Variants in ARHGAP1 observed in about 807,000 individuals in gnomAD.
ARHGAP1 encodes the protein rho GTPase-activating protein 1.
ARHGAP1 carries 23 observed loss-of-function variants against 52.2 expected under a neutral mutation model. The ratio of observed to expected loss-of-function variants is 0.44; its 90% CI spans 0.32 to 0.62. The LOEUF is 0.62. ARHGAP1 is among the 20% of genes least tolerant of loss of function. ARHGAP1 has a pLI of 0.05. For missense variants in ARHGAP1, 480 were observed against 560.9 expected (o/e 0.86, Z 1.46); for synonymous variants, 210 against 228.4 (o/e 0.92, Z 0.73).
chr11:46,682,849 T>A (rs2064539453), intron 4 of ARHGAP1, among the ~76,000 whole-genome samples: 1 of 152,078 alleles, frequency 6.6e-6, no homozygotes, highest in Non-Finnish European at 1.5e-5. Context: ...CAGTCACCAT[T>A]TCTCAATATT....
In ARHGAP1 at chr11:46,679,127, G is replaced by A. The variant is rs559601353; in HGVS notation, c.1230C>T (p.Leu410=). Residue 410 remains leucine, a synonymous_variant, in exon 13 of 13, where the codon CTC becomes CTT. Transcript: ENST00000311956. The surrounding 1 kb of genome is among the most constrained non-coding windows in gnomAD (Gnocchi z 4.4). The stretch of plus-strand genomic sequence containing the variant: ...AGGTGTTGATGGGATTAATGGCCTT[G>A]AGGGTGATGGCCGCATCCTTGGCCC... ...LLWAKDAAIT[L]KAINPINTFT... The A allele has an allele frequency of 1.9e-6, 3 of 1,614,164 alleles. No homozygotes were observed. Among genetic ancestry groups the A allele is most frequent in the African/African-American group, 1.3e-5 (1 of 75,062 alleles).
Position 46,681,396 on chromosome 11 carries a change from G to T in ARHGAP1, c.450-17C>A. 1 of 1,579,038 alleles carries T rather than the reference G, an allele frequency of 6.3e-7. No individual in the cohort carries two copies. Among genetic ancestry groups the T allele is most frequent in the Non-Finnish European group, 8.7e-7 (1 of 1,148,164 alleles). Reference sequence around the variant, plus strand: ...TTCTTGTACCTGCAGAGACAGAATGGACAACTCAGGAGCAGGCGTGGTGGG... The same window carrying T: ...TTCTTGTACCTGCAGAGACAGAATGTACAACTCAGGAGCAGGCGTGGTGGG... On this transcript the variant is annotated splice_polypyrimidine_tract_variant and intron_variant, in intron 5 of 12. Transcript: ENST00000311956. The surrounding 1 kb of genome is among the most constrained non-coding windows in gnomAD (Gnocchi z 5.7).
At chr11:46,682,416 G>T (rs1049994997) in intron 4 of ARHGAP1, among the ~76,000 whole-genome samples, 4 of 152,234 alleles carry the variant, frequency 2.6e-5, no homozygotes, top group Admixed American at 2.6e-4. Flanking sequence ...GGGCGCAGTG[G>T]CTCATGCCTG....
At chr11:46,692,421 C>G (rs545052562) in intron 3 of ARHGAP1, among the ~76,000 whole-genome samples, 1 of 152,252 alleles carries the variant, frequency 6.6e-6, no homozygotes, top group Non-Finnish European at 1.5e-5. Flanking sequence ...CACCTCACAT[C>G]TGCACCAGCA....
chr11:46,696,151 A>G lies in ARHGAP1; in HGVS notation c.-44T>C. 6.4e-7 allele frequency: 1 copy of G among 1,551,636 alleles called. No homozygotes were observed. On this transcript the variant is annotated 5_prime_UTR_variant, in exon 2 of 13. Transcript: ENST00000311956. This position sits in a 1 kb window ranked among gnomAD's most constrained non-coding sequence, Gnocchi z 4.8. ...CAGCCTTGCCCTGCAGAACCTTAAG[A>G]GAAACCTGGGAGAGAGGAAGACAGG...
chr11:46,695,398 G>A (rs1565690504), intron 3 of ARHGAP1: 5 of 526,014 alleles, frequency 9.5e-6, no homozygotes, highest in Non-Finnish European at 1.4e-5. Flanking sequence ...AAGGCCAACT[G>A]TGTTCTGGCT....
chr11:46,687,234 G>A (rs1237801506), intron 4 of ARHGAP1: 2 of 152,310 alleles, frequency 1.3e-5, no homozygotes, highest in African/African-American at 4.8e-5. Context: ...CTTGTCTGAA[G>A]AGCAGTGGGA....
At chr11:46,698,558 AGAT>A (rs924925622) in intron 1 of ARHGAP1, among the ~76,000 whole-genome samples, 3 of 150,864 alleles carry the variant, frequency 2.0e-5, no homozygotes, top group Non-Finnish European at 4.4e-5. Flanking sequence ...CAGTGAGCTG[AGAT>A]CAAGCTACTT....
In ARHGAP1 at chr11:46,677,266, T is replaced by C. The variant is rs2064484311; in HGVS notation, c.*1771A>G. ...TAGATCCGAAAGGCTCCCCAGTGAATGGGGCTGTGAGCGACACTTGATACA... is the reference window on the plus strand; with the variant it reads ...TAGATCCGAAAGGCTCCCCAGTGAACGGGGCTGTGAGCGACACTTGATACA... On this transcript the variant is annotated 3_prime_UTR_variant, in exon 13 of 13. Coordinates refer to ENST00000311956, the MANE Select transcript of ARHGAP1 (RefSeq NM_004308.5). The C allele has an allele frequency of 6.6e-6, 1 of 152,498 alleles. No individual in the cohort carries two copies. The highest frequency in any genetic ancestry group is 6.5e-5 in the Admixed American group (1 of 15,274). The allele number at this position is 152,498 out of a possible 1,614,324, so 9.4% of individuals were successfully genotyped here. A position where few individuals can be genotyped will look rare whatever the true frequency, so the allele number is the denominator to read the frequency against.
In ARHGAP1 at chr11:46,680,053, C is replaced by T. The variant is rs2064511883; in HGVS notation, c.898+152G>A. On this transcript the variant is annotated intron_variant, in intron 10 of 12. Transcript: ENST00000311956. The surrounding 1 kb of genome is among the most constrained non-coding windows in gnomAD (Gnocchi z 5.9). Reference sequence around the variant, plus strand: ...GGAGCCCGACCGATGAGGCAGCAGGCCTGGCAGAAGTAGGACTTATGTGAC... The same window carrying T: ...GGAGCCCGACCGATGAGGCAGCAGGTCTGGCAGAAGTAGGACTTATGTGAC... The T allele has an allele frequency of 1.9e-6, 2 of 1,045,740 alleles. No homozygotes were observed. The highest frequency in any genetic ancestry group is 2.8e-6 in the Non-Finnish European group (2 of 702,732). The allele number at this position is 1,045,740 out of a possible 1,614,324, so 64.8% of individuals were successfully genotyped here.
Position 46,679,169 on chromosome 11 carries a change from G to A in ARHGAP1, c.1188C>T (p.Phe396=), listed in dbSNP as rs528361008. 21 of 1,613,064 alleles carry A rather than the reference G, an allele frequency of 1.3e-5. No individual in the cohort carries two copies. The highest frequency in any genetic ancestry group is 2.2e-5 in the East Asian group (1 of 44,880). ...CCTTGGCCCACAGCAGGTTAGGGCCGAAAACAACAGCCAGGTTAGTGTTGG... is the reference window on the plus strand; with the variant it reads ...CCTTGGCCCACAGCAGGTTAGGGCCAAAAACAACAGCCAGGTTAGTGTTGG... ...KMTNTNLAVV[F]GPNLLWAKDA... is the part of the protein sequence containing the mutation. Residue 396 remains phenylalanine (F), a synonymous_variant, in exon 13 of 13, where the codon TTC becomes TTT. Transcript: ENST00000311956. The surrounding 1 kb of genome is among the most constrained non-coding windows in gnomAD (Gnocchi z 4.4).
In ARHGAP1 at chr11:46,680,678, G is replaced by A. The variant is rs2064518605; in HGVS notation, c.705C>T (p.Pro235=). 1 of 1,605,792 alleles carries A rather than the reference G, an allele frequency of 6.2e-7. No homozygotes were observed. ...ATAPKPMPPR[P]PLPNQQFGVS... ...CTCCAAACTGCTGGTTGGGCAGGGG[G>A]GGCCGTGGGGGCATGGGCTTGGGGG... is the stretch of plus-strand genomic sequence containing the variant. Residue 235 remains proline (P), a synonymous_variant, in exon 8 of 13, where the codon CCC becomes CCT. Transcript: ENST00000311956. This position sits in a 1 kb window ranked among gnomAD's most constrained non-coding sequence, Gnocchi z 5.9.
chr11:46,682,136 G>A lies in ARHGAP1; in HGVS notation c.364C>T (p.Leu122Phe). The A allele has an allele frequency of 6.2e-7, 1 of 1,614,222 alleles. No individual in the cohort carries two copies. ...LDQYVESDYT[L>F]LYLHHGLTSD... ...GTCAGGCCGTGGTGCAGATACAGAA[G>A]TGTGTAGTCACTCTCCACGTACTGG... Residue 122 changes from leucine (L) to phenylalanine (F), a missense_variant, in exon 5 of 13, where the codon CTT becomes TTT. Leu to Phe is a conservative substitution (Grantham distance 22). Transcript: ENST00000311956.
Position 46,695,749 on chromosome 11 carries a change from G to T in ARHGAP1, c.140C>A (p.Ser47Tyr). The change falls in exon 3 of 13, where the codon TCC becomes TAC. Residue 47 changes from serine to tyrosine, a missense_variant. By Grantham distance (144) the Ser-to-Tyr change is moderately radical. Coordinates refer to ENST00000311956, the MANE Select transcript of ARHGAP1 (RefSeq NM_004308.5). Reference protein sequence around the residue: ...EMPDFPKSDDSKSSSPELVTH... With the variant: ...EMPDFPKSDDYKSSSPELVTH... ...GACAAGTTCCGGGGAGCTGCTTTTG[G>T]AGTCATCTGAGGAACACAGCAGGGT... 6.4e-7 allele frequency: 1 copy of T among 1,552,494 alleles called. No individual in the cohort carries two copies. Among genetic ancestry groups the T allele is most frequent in the Non-Finnish European group, 8.7e-7 (1 of 1,147,334 alleles).
intron 3 of ARHGAP1, among the ~76,000 whole-genome samples, chr11:46,693,358 G>A (rs776348988): frequency 2.3e-4 from 34 of 150,330 alleles, no homozygotes; most frequent in Non-Finnish European, 4.7e-4. Context: ...TTTCATAGTT[G>A]CAAAGTGGAC....
Position 46,680,605 on chromosome 11 carries a change from C to T in ARHGAP1, c.743+35G>A, listed in dbSNP as rs538153838. ...GGTGAGCCGGGCCTGCAGCCCTTCC[C>T]GCCCCGCCGTGGCCCAGCCACCTTT... On this transcript the variant is annotated intron_variant, in intron 8 of 12. Coordinates refer to ENST00000311956, the MANE Select transcript of ARHGAP1 (RefSeq NM_004308.5). This position sits in a 1 kb window ranked among gnomAD's most constrained non-coding sequence, Gnocchi z 5.9. 13 of 1,613,494 alleles carry T rather than the reference C, an allele frequency of 8.1e-6. No individual in the cohort carries two copies. In the Admixed American group the frequency reaches 8.3e-5, roughly 10 times the overall value.
At chr11:46,688,312 G>C (rs1174226518) in intron 3 of ARHGAP1, 52 bp from the exon 4 acceptor site, 2 of 1,544,064 alleles carry the variant, frequency 1.3e-6, no homozygotes, top group African/African-American at 2.7e-5. Context: ...ACCAAAAGAA[G>C]TGGGGTGAGG....
chr11:46,692,649 C>T (rs1282450940), intron 3 of ARHGAP1, among the ~76,000 whole-genome samples: 1 of 152,126 alleles, frequency 6.6e-6, no homozygotes, highest in African/African-American at 2.4e-5. Context: ...GCTCAGCAGA[C>T]ACAGCACCTC....
In ARHGAP1 at chr11:46,681,452, CT is replaced by C. The variant is rs56710343; in HGVS notation, c.450-74del. The C allele has an allele frequency of 0.057, 45,643 of 803,906 alleles. 1 individual carries two copies. Among genetic ancestry groups the C allele is most frequent in the South Asian group, 0.084 (3,708 of 44,318 alleles). 49.8% of individuals were successfully genotyped at this position (803,906 alleles called of 1,614,324 possible). On this transcript the variant is annotated intron_variant, in intron 5 of 12. Coordinates refer to ENST00000311956, the MANE Select transcript of ARHGAP1 (RefSeq NM_004308.5). The surrounding 1 kb of genome is among the most constrained non-coding windows in gnomAD (Gnocchi z 5.7). ...TGCCACGCTAGGGTCCCAGTGCATA[CT>C]TTTTTTTTTTGAGACAGAGTCTCCT...
Sources: gnomAD v4.1 joint callset for allele counts (sites outside exome capture counted in the v4.1 genomes callset) on GRCh38, gnomAD v4.1.1 for gene constraint, Gnocchi (gnomAD v3.1) non-coding constraint, MANE v1.5 for transcripts, NCBI Gene and HGNC (gene_info 2026-07-23, HGNC 2026-07-21) for gene names.